The following PKP2 variants were observed in gnomAD, a reference collection of about 807,000 sequenced individuals.
The protein encoded by PKP2 is plakophilin 2.
A neutral mutation model predicts 83.4 loss-of-function variants in PKP2; 73 were observed. The ratio of observed to expected loss-of-function variants is 0.88; its 90% CI spans 0.72 to 1.06. The LOEUF is 1.06. Among genes scored for constraint, PKP2 ranks in the 50% least tolerant of loss-of-function variants. PKP2 has a pLI of 0.00. For synonymous variants in PKP2, 409 were observed against 430.4 expected (o/e 0.95, Z 0.62); for missense variants, 966 against 1,065.4 (o/e 0.91, Z 1.30).
At chr12:32,835,095 C>T (rs1404081694) in intron 6 of PKP2, among the ~76,000 whole-genome samples, 4 of 149,982 alleles carry the variant, frequency 2.7e-5, no homozygotes, top group African/African-American at 9.8e-5. Context: ...GCTCTGTTGC[C>T]CGGACTGGAG....
chr12:32,873,867 A>G (rs1956913219), intron 3 of PKP2, among the ~76,000 whole-genome samples: 1 of 152,174 alleles, frequency 6.6e-6, no homozygotes, highest in Admixed American at 6.5e-5. Context: ...GGAAGGACCT[A>G]TGAAGATCCT....
chr12:32,863,286 C>T, intron 4 of PKP2: 1 of 264,728 alleles, frequency 3.8e-6, no homozygotes, highest in African/African-American at 2.3e-5. Flanking sequence ...TGACTCCTGG[C>T]AGCAAACCAA....
intron 11 of PKP2, 191 bp from the exon 12 acceptor site, chr12:32,792,922 T>C (rs917266577): frequency 2.1e-5 from 13 of 626,052 alleles, no homozygotes; most frequent in African/African-American, 1.5e-4. Context: ...CTGTTTTTGT[T>C]TTCTTTTTAA....
At chr12:32,794,535 G>C (rs1379494472) in intron 11 of PKP2, among the ~76,000 whole-genome samples, 2 of 152,218 alleles carry the variant, frequency 1.3e-5, no homozygotes, top group Non-Finnish European at 2.9e-5. Context: ...ACAAGTAACA[G>C]AGTAGCTCAC....
In PKP2 at chr12:32,876,140, C is replaced by T. The variant is rs1457024160; in HGVS notation, c.1034+1706G>A. On this transcript the variant is annotated intron_variant, in intron 3 of 12. Transcript: ENST00000340811. ...AAGGGATGAGAGAATTTCATGGTGT[C>T]TCAAACACCACCCACAGGTTGAGTA... 2.6e-5 allele frequency among the ~76,000 whole-genome samples: 4 copies of T among 152,104 alleles called. No individual in the cohort carries two copies. In the East Asian group the frequency reaches 7.7e-4, roughly 29 times the overall value.
intron 4 of PKP2, among the ~76,000 whole-genome samples, chr12:32,867,343 A>G (rs551847805): frequency 1.4e-4 from 21 of 152,312 alleles, no homozygotes; most frequent in African/African-American, 5.1e-4. Flanking sequence ...ATAGAAAGAA[A>G]GCAGATCACT....
intron 9 of PKP2, among the ~76,000 whole-genome samples, chr12:32,806,529 T>C (rs1001684985): frequency 1.3e-5 from 2 of 152,310 alleles, no homozygotes; most frequent in South Asian, 2.1e-4. Flanking sequence ...TCTCTGATGG[T>C]TGTATGTATT....
At chr12:32,856,717 C>T (rs375558647) in intron 4 of PKP2, among the ~76,000 whole-genome samples, 2 of 150,628 alleles carry the variant, frequency 1.3e-5, no homozygotes, top group Admixed American at 1.3e-4. Context: ...CAAACCTGCA[C>T]GTTGTGCACA....
At chr12:32,826,079 C>G (rs984294786) in intron 6 of PKP2, among the ~76,000 whole-genome samples, 1 of 151,822 alleles carries the variant, frequency 6.6e-6, no homozygotes, top group South Asian at 2.1e-4. Context: ...CCGAGGCAGG[C>G]GGATCATGAG....
chr12:32,871,474 T>A (rs564075738), intron 3 of PKP2, among the ~76,000 whole-genome samples: 44 of 152,044 alleles, frequency 2.9e-4, no homozygotes, highest in Non-Finnish European at 4.4e-4. Context: ...TTTTTTTTTT[T>A]ATTTTTTTTG....
intron 6 of PKP2, among the ~76,000 whole-genome samples, chr12:32,831,941 ATT>A (rs748189955): frequency 5.9e-5 from 9 of 152,220 alleles, no homozygotes; most frequent in Non-Finnish European, 1.2e-4. Flanking sequence ...TTTTGATTTT[ATT>A]TGTTTGCTTT....
chr12:32,896,767 T>C lies in PKP2; in HGVS notation c.-36A>G. 3 of 1,165,036 alleles carry C rather than the reference T, an allele frequency of 2.6e-6. No individual in the cohort carries two copies. The highest frequency in any genetic ancestry group is 3.4e-6 in the Non-Finnish European group (3 of 875,626). 72.2% of individuals were successfully genotyped at this position (1,165,036 alleles called of 1,614,324 possible). On this transcript the variant is annotated 5_prime_UTR_variant, in exon 1 of 13. Coordinates refer to ENST00000340811, the MANE Select transcript of PKP2 (RefSeq NM_001005242.3). ...GGGGCGACCGAGCTGCTCGCCTGCC[T>C]CTGGACTCGCGGGCGAAGCCGCCAC...
chr12:32,792,540 C>G (rs1956079037), intron 12 of PKP2, 48 bp from the exon 13 acceptor site: 1 of 1,573,384 alleles, frequency 6.4e-7, no homozygotes, highest in Non-Finnish European at 8.7e-7. Flanking sequence ...AACTGGCACA[C>G]AAGAAAATGC....
At position 32,834,948 on chromosome 12, in the gene PKP2, TA is replaced by T. The variant is rs1312330179; in HGVS notation, c.1556+6079del. ...GCCACAGTATAAATTCACACTAAATTAAAAAAAAAAAAGGGACTCACAATAG... is the reference window on the plus strand; with the variant it reads ...GCCACAGTATAAATTCACACTAAATTAAAAAAAAAAAGGGACTCACAATAG... On this transcript the variant is annotated intron_variant, in intron 6 of 12. Coordinates refer to ENST00000340811, the MANE Select transcript of PKP2 (RefSeq NM_001005242.3). Among the ~76,000 whole-genome samples the T allele has an allele frequency of 9.7e-3, 1,002 of 103,118 alleles. 8 individuals carry two copies. Among genetic ancestry groups the T allele is most frequent in the Non-Finnish European group, 0.011 (564 of 49,766 alleles). The allele number at this position is 103,118 out of a possible 152,430, so 67.6% of individuals were successfully genotyped here.
At position 32,822,652 on chromosome 12, in the gene PKP2, T is replaced by C. The variant is rs754377972; in HGVS notation, c.1675-21A>G. The C allele has an allele frequency of 1.4e-5, 23 of 1,611,818 alleles. No individual in the cohort carries two copies. In the East Asian group the frequency reaches 4.0e-4, roughly 28 times the overall value. On this transcript the variant is annotated intron_variant, in intron 7 of 12. Coordinates refer to ENST00000340811, the MANE Select transcript of PKP2 (RefSeq NM_001005242.3). ...GTGGCCTGAGAAAACAGGACAAGAA[T>C]ATTGATCGTATACATATAGATATCC... is the stretch of plus-strand genomic sequence containing the variant.
chr12:32,891,550 G>C (rs1286043570), intron 1 of PKP2, among the ~76,000 whole-genome samples: 1 of 152,106 alleles, frequency 6.6e-6, no homozygotes, highest in South Asian at 2.1e-4. Context: ...CTAAAACTTT[G>C]AGGAAATGTG....
intron 3 of PKP2, among the ~76,000 whole-genome samples, chr12:32,873,275 C>A (rs1201193895): frequency 6.6e-6 from 1 of 150,572 alleles, no homozygotes; most frequent in Non-Finnish European, 1.5e-5. Flanking sequence ...AATTCTTGTA[C>A]TTTGTAGAAG....
At chr12:32,800,685 CTGCGCATGT>C (rs1956170785) in intron 10 of PKP2, among the ~76,000 whole-genome samples, 1 of 152,168 alleles carries the variant, frequency 6.6e-6, no homozygotes, top group Non-Finnish European at 1.5e-5. Context: ...TATTGCAGTA[CTGCGCATGT>C]GGTAAGCTCT....
At chr12:32,837,634 A>G (rs879415104) in intron 6 of PKP2, among the ~76,000 whole-genome samples, 8 of 152,204 alleles carry the variant, frequency 5.3e-5, no homozygotes, top group Non-Finnish European at 1.0e-4. Context: ...TTTTGCAAAC[A>G]CTGTTTAAAA....
Sources: allele counts gnomAD v4.1 joint callset (sites outside exome capture counted in the v4.1 genomes callset), GRCh38; gene constraint gnomAD v4.1.1; transcripts MANE v1.5; gene names NCBI Gene and HGNC (gene_info 2026-07-23, HGNC 2026-07-21).